Variants in CTNNA2 observed in about 807,000 individuals in gnomAD.
The protein encoded by CTNNA2 is catenin alpha-2.
In CTNNA2, 42 loss-of-function variants were observed where a neutral mutation model predicts 101.0. The observed-to-expected ratio is 0.42, with a 90% confidence interval of 0.32 to 0.54. The LOEUF is 0.54. Among genes scored for constraint, CTNNA2 ranks in the 20% least tolerant of loss-of-function variants. The pLI is 0.14. For missense variants in CTNNA2, 871 were observed against 1,223.1 expected (o/e 0.71, Z 4.29); for synonymous variants, 450 against 456.4 (o/e 0.99, Z 0.18).
At chr2:80,394,602 G>A (rs569219496) in intron 8 of CTNNA2, among the ~76,000 whole-genome samples, 1 of 152,120 alleles carries the variant, frequency 6.6e-6, no homozygotes, top group East Asian at 1.9e-4. Flanking sequence ...GATATGAAAT[G>A]ATATGGGTGG....
intron 1 of CTNNA2, among the ~76,000 whole-genome samples, chr2:79,562,129 A>T (rs1674819330): frequency 6.6e-6 from 1 of 151,768 alleles, no homozygotes; most frequent in Non-Finnish European, 1.5e-5. Context: ...TTTTTAGTTA[A>T]TTTTCATATA....
intron 11 of CTNNA2, among the ~76,000 whole-genome samples, chr2:80,549,259 G>A (rs1267098930): frequency 2.0e-5 from 3 of 152,300 alleles, no homozygotes; most frequent in Middle Eastern, 3.4e-3. Context: ...GGCTCACAAA[G>A]TAGTAGGAAG....
intron 4 of CTNNA2, among the ~76,000 whole-genome samples, chr2:79,390,589 G>A (rs1678160959): frequency 6.6e-6 from 1 of 152,118 alleles, no homozygotes; most frequent in East Asian, 1.9e-4. Context: ...TGCCACTTTA[G>A]TAACACTTCA....
chr2:79,646,677 G>T, intron 1 of CTNNA2, among the ~76,000 whole-genome samples: 1 of 151,684 alleles, frequency 6.6e-6, no homozygotes, highest in South Asian at 2.1e-4. Flanking sequence ...CTACAATATT[G>T]TGCCACCATG....
chr2:79,216,064 G>A (rs1337768404), intron 2 of CTNNA2, among the ~76,000 whole-genome samples: 2 of 152,098 alleles, frequency 1.3e-5, no homozygotes, highest in Non-Finnish European at 2.9e-5. Flanking sequence ...TGGACGTCAG[G>A]CACCTCGGAC....
chr2:79,999,083 A>G (rs916483408), intron 7 of CTNNA2, among the ~76,000 whole-genome samples: 1 of 152,078 alleles, frequency 6.6e-6, no homozygotes, highest in African/African-American at 2.4e-5. Flanking sequence ...AAAAAAAAAA[A>G]AGACAAAAAC....
intron 7 of CTNNA2, among the ~76,000 whole-genome samples, chr2:80,012,573 A>G (rs559666683): frequency 1.3e-5 from 2 of 152,168 alleles, no homozygotes; most frequent in South Asian, 4.2e-4. Flanking sequence ...CAACTACTCA[A>G]CTCTCCTGTC....
chr2:80,316,200 A>G (rs1678105733), intron 7 of CTNNA2, among the ~76,000 whole-genome samples: 1 of 152,154 alleles, frequency 6.6e-6, no homozygotes, highest in African/African-American at 2.4e-5. Context: ...GAATAGCTAG[A>G]GAGAGAGGAT....
chr2:79,185,783 T>A (rs1450975765), intron 1 of CTNNA2, among the ~76,000 whole-genome samples: 3 of 151,910 alleles, frequency 2.0e-5, no homozygotes, highest in African/African-American at 7.3e-5. Flanking sequence ...CATTTGGGGA[T>A]GTTAGATTGT....
intron 7 of CTNNA2, among the ~76,000 whole-genome samples, chr2:80,146,715 T>TTC (rs1703362380): frequency 1.4e-5 from 1 of 73,576 alleles, no homozygotes; most frequent in Non-Finnish European, 2.4e-5. Context: ...CTCTGGTTTT[T>TTC]TTTTTTTTTT....
chr2:79,938,731 T>C (rs1046451891), intron 7 of CTNNA2, among the ~76,000 whole-genome samples: 1 of 152,188 alleles, frequency 6.6e-6, no homozygotes, highest in South Asian at 2.1e-4. Context: ...AAAAGTATTA[T>C]CTAGAACACT....
intron 7 of CTNNA2, among the ~76,000 whole-genome samples, chr2:80,076,249 T>A (rs1472908186): frequency 1.3e-5 from 2 of 151,940 alleles, no homozygotes; most frequent in Admixed American, 1.3e-4. Context: ...TTTCTCAACT[T>A]ACCTACAGAC....
At chr2:79,841,065 T>G (rs1443216786) in intron 3 of CTNNA2, among the ~76,000 whole-genome samples, 1 of 152,050 alleles carries the variant, frequency 6.6e-6, no homozygotes, top group Non-Finnish European at 1.5e-5. Flanking sequence ...CACCGCGCCC[T>G]GCCGAGACTC....
At chr2:79,597,733 C>G (rs1164151690) in intron 1 of CTNNA2, among the ~76,000 whole-genome samples, 1 of 152,042 alleles carries the variant, frequency 6.6e-6, no homozygotes, top group Non-Finnish European at 1.5e-5. Context: ...CCAGTGAGAC[C>G]CAGTACTATA....
chr2:79,676,292 T>G (rs1161937922), intron 2 of CTNNA2, among the ~76,000 whole-genome samples: 3 of 152,218 alleles, frequency 2.0e-5, no homozygotes, highest in Non-Finnish European at 4.4e-5. Flanking sequence ...GAAGGCCTTC[T>G]GTGAGTGCCA....
chr2:80,586,892 G>A lies in CTNNA2; in HGVS notation c.2008-2412G>A, dbSNP rs568275052. Among the ~76,000 whole-genome samples, 13 of 152,230 alleles carry A rather than the reference G, an allele frequency of 8.5e-5. No individual in the cohort carries two copies. In the East Asian group the frequency reaches 2.5e-3, roughly 29 times the overall value. ...TAGTAAGAAGCATCTGGGCAGCCAC[G>A]GGTTCAAGGATACCTTTAGTCAAAT... On this transcript the variant is annotated intron_variant, in intron 14 of 18. Coordinates refer to ENST00000402739, the MANE Select transcript of CTNNA2 (RefSeq NM_001282597.3).
At position 80,026,472 on chromosome 2, in the gene CTNNA2, T is replaced by C. The variant is rs951492048; in HGVS notation, c.1056+116675T>C. On this transcript the variant is annotated intron_variant, in intron 7 of 18. Coordinates refer to ENST00000402739, the MANE Select transcript of CTNNA2 (RefSeq NM_001282597.3). ...GAAAATATGTATTTATTGGTACTGC[T>C]GGACAGTTTTCCTGCTGGCTGTGGA... Among the ~76,000 whole-genome samples the C allele has an allele frequency of 1.9e-4, 29 of 152,198 alleles. 1 individual carries two copies.
At chr2:79,692,061 G>T (rs1238678995) in intron 2 of CTNNA2, among the ~76,000 whole-genome samples, 1 of 152,108 alleles carries the variant, frequency 6.6e-6, no homozygotes, top group African/African-American at 2.4e-5. Flanking sequence ...CACAGCAAAA[G>T]AAACTATCAC....
intron 1 of CTNNA2, among the ~76,000 whole-genome samples, chr2:79,591,914 T>TC (rs1031902633): frequency 1.3e-5 from 2 of 151,616 alleles, no homozygotes; most frequent in African/African-American, 4.8e-5. Flanking sequence ...AAAAATTTTT[T>TC]TTTTTTTTTT....
Sources: allele counts gnomAD v4.1 joint callset (sites outside exome capture counted in the v4.1 genomes callset), GRCh38; gene constraint gnomAD v4.1.1; transcripts MANE v1.5; gene names NCBI Gene and HGNC (gene_info 2026-07-23, HGNC 2026-07-21).